The following NOL4 variants were observed in gnomAD, a reference collection of about 807,000 sequenced individuals.
The protein encoded by NOL4 is nucleolar protein 4.
A neutral mutation model predicts 75.9 loss-of-function variants in NOL4; 17 were observed. The ratio of observed to expected loss-of-function variants is 0.22; its 90% CI spans 0.15 to 0.34. The LOEUF (loss-of-function observed/expected upper bound fraction) is 0.34. Among genes scored for constraint, NOL4 ranks in the 10% least tolerant of loss-of-function variants. The pLI, the probability that NOL4 is intolerant of heterozygous loss-of-function variation, is 1.00. For synonymous variants in NOL4, 292 were observed against 289.9 expected (o/e 1.01, Z -0.07); for missense variants, 614 against 793.5 (o/e 0.77, Z 2.72).
chr18:33,987,749 C>A (rs2146067119), intron 6 of NOL4, among the ~76,000 whole-genome samples: 1 of 152,204 alleles, frequency 6.6e-6, no homozygotes, highest in Middle Eastern at 3.4e-3. Flanking sequence ...AAACACTGTT[C>A]TTTTCCCAGT....
At chr18:34,174,867 T>G (rs2033395550) in intron 1 of NOL4, among the ~76,000 whole-genome samples, 1 of 152,186 alleles carries the variant, frequency 6.6e-6, no homozygotes, top group Non-Finnish European at 1.5e-5. Flanking sequence ...TCATCCTTTT[T>G]TATGGCTGCA....
intron 9 of NOL4, among the ~76,000 whole-genome samples, chr18:33,932,762 T>C (rs2067785255): frequency 6.6e-6 from 1 of 151,964 alleles, no homozygotes; most frequent in South Asian, 2.1e-4. Context: ...TGGGGCCCCA[T>C]CCTGAGCAAT....
At chr18:34,089,028 T>C (rs2078379161) in intron 5 of NOL4, among the ~76,000 whole-genome samples, 1 of 152,144 alleles carries the variant, frequency 6.6e-6, no homozygotes, top group Non-Finnish European at 1.5e-5. Context: ...TCCAGATATG[T>C]ATTTCCAACA....
At chr18:33,954,959 A>C (rs1367212163) in intron 8 of NOL4, among the ~76,000 whole-genome samples, 1 of 152,098 alleles carries the variant, frequency 6.6e-6, no homozygotes, top group African/African-American at 2.4e-5. Context: ...TAAAGATCTT[A>C]GAGAATGTGA....
At position 34,036,208 on chromosome 18, in the gene NOL4, A is replaced by T. The variant is rs1600341025; in HGVS notation, c.773-16607T>A. ...AGGCCAATATTCATGATGAACAGAG[A>T]TACAAAAATCCCCAGCAAAATACTA... On this transcript the variant is annotated intron_variant, in intron 5 of 10. Coordinates refer to ENST00000261592, the MANE Select transcript of NOL4 (RefSeq NM_003787.5). Among the ~76,000 whole-genome samples, 8 of 152,308 alleles carry T rather than the reference A, an allele frequency of 5.3e-5. 2 individuals are homozygous for T. Among genetic ancestry groups the T allele is most frequent in the Admixed American group, 5.2e-4 (8 of 15,286 alleles).
chr18:33,994,225 T>A (rs1376281624), intron 6 of NOL4, among the ~76,000 whole-genome samples: 1 of 151,904 alleles, frequency 6.6e-6, no homozygotes, highest in African/African-American at 2.4e-5. Flanking sequence ...AACACTCCAC[T>A]TCCTGGAATA....
intron 9 of NOL4, among the ~76,000 whole-genome samples, chr18:33,922,193 T>C (rs1014988211): frequency 6.6e-6 from 1 of 152,196 alleles, no homozygotes; most frequent in African/African-American, 2.4e-5. Flanking sequence ...ACTGTTACAA[T>C]TTTGAGTCAC....
intron 9 of NOL4, among the ~76,000 whole-genome samples, chr18:33,894,487 C>T (rs2065282553): frequency 6.6e-6 from 1 of 152,034 alleles, no homozygotes; most frequent in Non-Finnish European, 1.5e-5. Context: ...AAGATGCTCC[C>T]AAACCCACTA....
intron 1 of NOL4, among the ~76,000 whole-genome samples, chr18:34,155,597 C>T (rs142167230): frequency 0.015 from 2,220 of 152,030 alleles, 14 homozygotes; most frequent in Middle Eastern, 0.034. Context: ...ACCTATACAG[C>T]ATGTTACGGT....
intron 5 of NOL4, among the ~76,000 whole-genome samples, chr18:34,059,461 T>C (rs1461485730): frequency 2.0e-5 from 3 of 152,068 alleles, no homozygotes; most frequent in Non-Finnish European, 4.4e-5. Flanking sequence ...TCTTAATGTC[T>C]AGCTCAGCAT....
chr18:34,196,156 T>C (rs975362447), intron 1 of NOL4, among the ~76,000 whole-genome samples: 1 of 152,154 alleles, frequency 6.6e-6, no homozygotes, highest in African/African-American at 2.4e-5. Context: ...GCTGAAAACA[T>C]TGTTTCCCTC....
intron 5 of NOL4, among the ~76,000 whole-genome samples, chr18:34,041,741 GT>G (rs1195065084): frequency 1.3e-5 from 2 of 151,726 alleles, no homozygotes. Flanking sequence ...ATTAAACAAA[GT>G]TGGAAGTTAC....
chr18:33,853,154 G>T, intron 10 of NOL4, 119 bp from the exon 11 acceptor site: 2 of 848,124 alleles, frequency 2.4e-6, no homozygotes, highest in Non-Finnish European at 3.5e-6. Context: ...AGAAGCTAGT[G>T]ATCTCTTTAA....
At chr18:33,934,470 G>A (rs2067921372) in intron 9 of NOL4, among the ~76,000 whole-genome samples, 1 of 152,150 alleles carries the variant, frequency 6.6e-6, no homozygotes, top group Non-Finnish European at 1.5e-5. Context: ...TCACTACGAT[G>A]ATGTAGTGAT....
chr18:33,860,192 C>A (rs1357100172), intron 10 of NOL4, among the ~76,000 whole-genome samples: 1 of 152,078 alleles, frequency 6.6e-6, no homozygotes, highest in Non-Finnish European at 1.5e-5. Flanking sequence ...CAATAACTTC[C>A]CACCAGGTCC....
rs558123792 is a variant in NOL4 at position 33,967,657 on chromosome 18, T to C, written c.1057-9239A>G. On this transcript the variant is annotated intron_variant, in intron 6 of 10. Transcript: ENST00000261592. ...CCCACTAAAAAGTGGGCAAAGGACA[T>C]TAATAGACATTTCTCTAAAGAAGAC... 5.3e-5 allele frequency among the ~76,000 whole-genome samples: 8 copies of C among 152,234 alleles called. No homozygotes were observed. The East Asian group carries it at 1.4e-3, about 26-fold the overall frequency.
At chr18:33,867,220 C>G (rs1409171219) in intron 10 of NOL4, among the ~76,000 whole-genome samples, 1 of 152,122 alleles carries the variant, frequency 6.6e-6, no homozygotes. Context: ...GCTAATTTTA[C>G]TATCTTATAG....
At chr18:34,065,878 C>T (rs915194578) in intron 5 of NOL4, among the ~76,000 whole-genome samples, 6 of 151,864 alleles carry the variant, frequency 4.0e-5, no homozygotes, top group South Asian at 2.1e-4. Context: ...TTGAGGACTT[C>T]GGCTGAATAT....
intron 5 of NOL4, among the ~76,000 whole-genome samples, chr18:34,046,607 CATATATATATATATATATATAT>C (rs35281852): frequency 2.0e-4 from 16 of 81,654 alleles, no homozygotes; most frequent in South Asian, 4.1e-4. Flanking sequence ...TTTACTTATA[CATATATATATATATATATATAT>C]ATATATATGT....
Sources: gnomAD v4.1 joint callset for allele counts (sites outside exome capture counted in the v4.1 genomes callset) on GRCh38, gnomAD v4.1.1 for gene constraint, MANE v1.5 for transcripts, NCBI Gene and HGNC (gene_info 2026-07-23, HGNC 2026-07-21) for gene names.